Variants in ZNF41 observed in about 807,000 individuals in gnomAD.
The protein encoded by ZNF41 is zinc finger protein 41.
Under a neutral mutation model 9.3 loss-of-function variants are expected in ZNF41, and 6 were observed. That is an observed-to-expected ratio of 0.65 (90% CI 0.35 to 1.28). ZNF41 has a LOEUF of 1.28. Among genes scored for constraint, ZNF41 ranks in the 50% most tolerant of loss-of-function variants. The pLI is 0.03. For synonymous variants in ZNF41, 192 were observed against 207.1 expected, an observed-to-expected ratio of 0.93 and a Z score of 0.63; for missense variants, 523 against 585.8, an observed-to-expected ratio of 0.89 and a Z score of 1.11.
chrX:47,454,078 C>CA (rs1027562149), intron 4 of ZNF41, among the ~76,000 whole-genome samples: 2 of 109,304 alleles, frequency 1.8e-5, no homozygotes, highest in African/African-American at 6.7e-5. Flanking sequence ...TCTCAAAAAA[C>CA]AAAAAAAGAA....
At position 47,455,961 on chromosome X, in the gene ZNF41, T is replaced by C. The variant is rs1218034938; in HGVS notation, c.255A>G (p.Pro85=). The C allele has an allele frequency of 3.3e-6, 4 of 1,210,006 alleles. No homozygotes were observed. The African/African-American group carries it at 5.2e-5, about 16-fold the overall frequency. ...GTGGGGCTTCCCCCTCCAGCATCCA[T>C]GGCCCCTCTCCTTGCTCCAACTTGA... ...AAFKLEQGEG[P]WMLEGEAPHQ... is the part of the protein sequence containing the mutation. Residue 85 remains proline (P), a synonymous_variant, in exon 4 of 5, where the codon CCA becomes CCG. Transcript: ENST00000684689.
chrX:47,451,615 C>A (rs2147513782), intron 4 of ZNF41, among the ~76,000 whole-genome samples: 1 of 112,751 alleles, frequency 8.9e-6, no homozygotes, highest in African/African-American at 3.2e-5. Flanking sequence ...TTGGCATGTG[C>A]CTGTAATCCC....
At chrX:47,456,120 T>C (rs2056553158) in intron 3 of ZNF41, 104 bp from the exon 4 acceptor site, 3 of 1,073,929 alleles carry the variant, frequency 2.8e-6, no homozygotes, top group Admixed American at 2.2e-5. Flanking sequence ...CACATTTCAC[T>C]GGGAACAGAG....
chrX:47,467,324 C>T (rs1302241488), intron 2 of ZNF41, 86 bp downstream of exon 2: 1 of 1,165,772 alleles, frequency 8.6e-7, no homozygotes, highest in Non-Finnish European at 1.1e-6. Flanking sequence ...TCTGACTCAC[C>T]TGCTTCTGCC....
rs1380932895 is a variant in ZNF41, at chrX:47,456,493, T to A, written c.73-95A>T. On this transcript the variant is annotated intron_variant, in intron 2 of 4. Coordinates refer to ENST00000684689, the MANE Select transcript of ZNF41 (RefSeq NM_001324144.2). Reference sequence around the variant, plus strand: ...TTGTTTTTAATGCTTTTTACCATAATGTATCATGTAGGGTTTTCACTAAGT... The same window carrying A: ...TTGTTTTTAATGCTTTTTACCATAAAGTATCATGTAGGGTTTTCACTAAGT... 4.4e-6 allele frequency: 5 copies of A among 1,144,229 alleles called. No homozygotes were observed. In the Admixed American group the frequency reaches 9.3e-5, roughly 21 times the overall value. 94.3% of individuals were successfully genotyped at this position (1,144,229 alleles called of 1,213,427 possible). A position where few individuals can be genotyped will look rare whatever the true frequency, so the allele number is the denominator to read the frequency against.
At chrX:47,459,725 CGG>C (rs2056708027) in intron 2 of ZNF41, among the ~76,000 whole-genome samples, 1 of 77,123 alleles carries the variant, frequency 1.3e-5, no homozygotes, top group East Asian at 4.2e-4. Flanking sequence ...GCCTGGGTGA[CGG>C]AGCAAGACCC....
In ZNF41 at chrX:47,460,525, C is replaced by G. The variant is rs987198058; in HGVS notation, c.73-4127G>C. On this transcript the variant is annotated intron_variant, in intron 2 of 4. Transcript: ENST00000684689. ...TCCAACATACATTATCAACAAAGGG[C>G]TCAGCTAGAAGATGTAGAGAACTTG... is the stretch of plus-strand genomic sequence containing the variant. Among the ~76,000 whole-genome samples the G allele has an allele frequency of 1.7e-4, 19 of 111,244 alleles. No individual in the cohort carries two copies. In the Admixed American group the frequency reaches 1.7e-3, roughly 10 times the overall value.
chrX:47,458,646 T>C (rs1490416897), intron 2 of ZNF41, among the ~76,000 whole-genome samples: 6 of 111,489 alleles, frequency 5.4e-5, no homozygotes, highest in African/African-American at 2.0e-4. Flanking sequence ...TTAAAAAAAA[T>C]TATTTTGTAT....
intron 2 of ZNF41, among the ~76,000 whole-genome samples, chrX:47,457,311 G>A (rs780040722): frequency 6.3e-5 from 7 of 111,051 alleles, no homozygotes; most frequent in Non-Finnish European, 9.4e-5. Flanking sequence ...TTGAGAGGCT[G>A]AGACAGGAGA....
At chrX:47,470,134 C>T (rs1397258990) in intron 1 of ZNF41, among the ~76,000 whole-genome samples, 1 of 110,556 alleles carries the variant, frequency 9.0e-6, no homozygotes, top group East Asian at 2.8e-4. Flanking sequence ...ATGACTGAGG[C>T]CGGGCGCAGT....
At chrX:47,458,565 T>C (rs2056656496) in intron 2 of ZNF41, among the ~76,000 whole-genome samples, 1 of 111,686 alleles carries the variant, frequency 9.0e-6, no homozygotes, top group Admixed American at 9.5e-5. Context: ...ACAACAGGAT[T>C]TTTGTAAAAT....
Position 47,455,966 on chromosome X carries a change from C to T in ZNF41, c.250G>A (p.Gly84Arg). ...EAAFKLEQGE[G>R]PWMLEGEAPH... Reference sequence around the variant, plus strand: ...GCTTCCCCCTCCAGCATCCATGGCCCCTCTCCTTGCTCCAACTTGAAGGCA... The same window carrying T: ...GCTTCCCCCTCCAGCATCCATGGCCTCTCTCCTTGCTCCAACTTGAAGGCA... The change falls in exon 4 of 5, where the codon GGG becomes AGG. Residue 84 changes from glycine (G) to arginine (R), a missense_variant. Physicochemically the swap from Gly to Arg is moderately radical, Grantham distance 125. Coordinates refer to ENST00000684689, the MANE Select transcript of ZNF41 (RefSeq NM_001324144.2). 8.3e-7 allele frequency: 1 copy of T among 1,211,669 alleles called. No homozygotes were observed. Among genetic ancestry groups the T allele is most frequent in the Non-Finnish European group, 1.1e-6 (1 of 895,495 alleles).
intron 2 of ZNF41, among the ~76,000 whole-genome samples, chrX:47,467,150 C>A (rs771957621): frequency 8.9e-6 from 1 of 111,921 alleles, no homozygotes; most frequent in Non-Finnish European, 1.9e-5. Flanking sequence ...CTGTAGGGCT[C>A]ACCTTCCACA....
intron 2 of ZNF41, 105 bp downstream of exon 2, chrX:47,467,305 G>T: frequency 1.7e-6 from 2 of 1,164,409 alleles, no homozygotes; most frequent in East Asian, 6.5e-5. Flanking sequence ...TCCGGAATCT[G>T]CCACTTCCTC....
At position 47,446,878 on chromosome X, in the gene ZNF41, C is replaced by G. The variant is rs2056131586; in HGVS notation, c.*552G>C. 1 of 112,999 alleles carries G rather than the reference C, an allele frequency of 8.8e-6. No individual in the cohort carries two copies. The highest frequency in any genetic ancestry group is 1.8e-5 in the Non-Finnish European group (1 of 54,139). 9.3% of individuals were successfully genotyped at this position (112,999 alleles called of 1,213,427 possible). A position where few individuals can be genotyped will look rare whatever the true frequency, so the allele number is the denominator to read the frequency against. On this transcript the variant is annotated 3_prime_UTR_variant, in exon 5 of 5. Transcript: ENST00000684689. ...TTTTTCATGGAAATCTTTTCTATGT[C>G]TTAAGTGCCAATGATCACAAAAACA...
At chrX:47,467,284 AG>A in intron 2 of ZNF41, 125 bp downstream of exon 2, 1 of 1,158,441 alleles carries the variant, frequency 8.6e-7, no homozygotes, top group Non-Finnish European at 1.1e-6. Context: ...ATCTGTCTCC[AG>A]GGTGGCAGGT....
At chrX:47,449,652 G>A (rs1368743993) in intron 4 of ZNF41, among the ~76,000 whole-genome samples, 178 bp from the exon 5 acceptor site, 1 of 112,025 alleles carries the variant, frequency 8.9e-6, no homozygotes, top group Non-Finnish European at 1.9e-5. Flanking sequence ...CAAAACAACT[G>A]TATACCATTT....
Position 47,446,081 on chromosome X carries a change from G to C in ZNF41, c.*1349C>G, listed in dbSNP as rs1305653966. 9.0e-5 allele frequency: 10 copies of C among 111,050 alleles called. No individual in the cohort carries two copies. Among genetic ancestry groups the C allele is most frequent in the Non-Finnish European group, 3.8e-5 (2 of 53,024 alleles). The allele number at this position is 111,050 out of a possible 1,213,427, so 9.2% of individuals were successfully genotyped here. ...TCAGTTTTTGAGAATGCACTGAGCT[G>C]TATGTTTATGATATATGCATTTTCT... is the stretch of plus-strand genomic sequence containing the variant. On this transcript the variant is annotated 3_prime_UTR_variant, in exon 5 of 5. Coordinates refer to ENST00000684689, the MANE Select transcript of ZNF41 (RefSeq NM_001324144.2).
intron 2 of ZNF41, among the ~76,000 whole-genome samples, chrX:47,457,829 T>C (rs2056627970): frequency 8.9e-6 from 1 of 112,054 alleles, no homozygotes; most frequent in Non-Finnish European, 1.9e-5. Flanking sequence ...AGAACGAGAC[T>C]CCATCTCAAA....
Sources: gnomAD v4.1 joint callset for allele counts (sites outside exome capture counted in the v4.1 genomes callset) on GRCh38, gnomAD v4.1.1 for gene constraint, MANE v1.5 for transcripts, NCBI Gene and HGNC (gene_info 2026-07-23, HGNC 2026-07-21) for gene names.